APBB2: variants seen among roughly 807,000 people sequenced by gnomAD.
APBB2 encodes the protein Fe65-like 1.
A neutral mutation model predicts 82.5 loss-of-function variants in APBB2; 38 were observed. The ratio of observed to expected loss-of-function variants is 0.46; its 90% CI spans 0.36 to 0.60. The LOEUF (loss-of-function observed/expected upper bound fraction) is 0.60, where lower values mean the gene tolerates loss of function less well. Among genes scored for constraint, APBB2 ranks in the 20% least tolerant of loss-of-function variants. The pLI is 0.00. For synonymous variants in APBB2, 341 were observed against 368.2 expected (o/e 0.93, Z 0.85); for missense variants, 772 against 972.3 (o/e 0.79, Z 2.74).
chr4:41,015,613 G>T (rs996652828), intron 5 of APBB2, among the ~76,000 whole-genome samples: 3 of 152,266 alleles, frequency 2.0e-5, no homozygotes, highest in Middle Eastern at 3.4e-3. Flanking sequence ...TCATTCTAGA[G>T]TCCCTATGCT....
chr4:40,885,488 T>A (rs1317188125), intron 12 of APBB2, among the ~76,000 whole-genome samples: 1 of 152,154 alleles, frequency 6.6e-6, no homozygotes, highest in Admixed American at 6.5e-5. Context: ...GTCCCAGGTG[T>A]GCCTGCCCAC....
intron 1 of APBB2, among the ~76,000 whole-genome samples, chr4:41,180,463 AAAATT>A (rs1284404552): frequency 1.3e-5 from 2 of 152,132 alleles, no homozygotes; most frequent in African/African-American, 4.8e-5. Context: ...CAAACAAACA[AAAATT>A]AAATTAAATT....
chr4:40,862,632 G>A (rs1194376886), intron 12 of APBB2, among the ~76,000 whole-genome samples: 2 of 152,188 alleles, frequency 1.3e-5, no homozygotes, highest in Non-Finnish European at 2.9e-5. Flanking sequence ...AGGCCAAGCC[G>A]GGTGGATTAC....
rs368636661 is a variant in APBB2 at position 40,893,244 on chromosome 4, A to C, written c.1401+21T>G. ...GGAGAACGTAAACAGCCTGCCGTGC[A>C]TCATTCTACATGCCACTTACCTCTC... On this transcript the variant is annotated intron_variant, in intron 11 of 17. Coordinates refer to ENST00000508593, the MANE Select transcript of APBB2 (RefSeq NM_004307.2). 16 of 1,610,742 alleles carry C rather than the reference A, an allele frequency of 9.9e-6. No homozygotes were observed. The African/African-American group carries it at 2.1e-4, about 21-fold the overall frequency.
At chr4:40,974,457 C>G (rs181015561) in intron 6 of APBB2, among the ~76,000 whole-genome samples, 89 of 152,270 alleles carry the variant, frequency 5.8e-4, no homozygotes, top group African/African-American at 2.0e-3. Flanking sequence ...AACAGACCAA[C>G]AAATCAGTAA....
intron 3 of APBB2, among the ~76,000 whole-genome samples, chr4:41,077,228 C>A (rs1248593575): frequency 1.5e-5 from 2 of 136,144 alleles, no homozygotes; most frequent in African/African-American, 5.6e-5. Flanking sequence ...CCAGACTTGT[C>A]TGGAACTCCT....
chr4:40,901,816 C>T (rs1334514167), intron 10 of APBB2, among the ~76,000 whole-genome samples: 1 of 151,882 alleles, frequency 6.6e-6, no homozygotes, highest in Non-Finnish European at 1.5e-5. Flanking sequence ...CGCTCGGCCA[C>T]ACTTCAGGGA....
rs549628929 is a variant in APBB2, at chr4:41,121,535, G to A, written c.-260-20785C>T. 2.0e-5 allele frequency among the ~76,000 whole-genome samples: 3 copies of A among 152,302 alleles called. No homozygotes were observed. The South Asian group carries it at 6.2e-4, about 32-fold the overall frequency. ...GGAGTGAGGGAAAGCGACAGAGTTGGGATGCAGCTAAGACTCCTGAGGTGT... is the reference window on the plus strand; with the variant it reads ...GGAGTGAGGGAAAGCGACAGAGTTGAGATGCAGCTAAGACTCCTGAGGTGT... On this transcript the variant is annotated intron_variant, in intron 2 of 17. Coordinates refer to ENST00000508593, the MANE Select transcript of APBB2 (RefSeq NM_004307.2).
At chr4:40,947,499 T>TAC (rs1346026336) in intron 6 of APBB2, among the ~76,000 whole-genome samples, 1 of 152,220 alleles carries the variant, frequency 6.6e-6, no homozygotes, top group Non-Finnish European at 1.5e-5. Flanking sequence ...GATAAGGAGG[T>TAC]ACCTAGAGGT....
chr4:40,900,399 C>T (rs1277896215), intron 10 of APBB2, among the ~76,000 whole-genome samples: 1 of 150,904 alleles, frequency 6.6e-6, no homozygotes, highest in African/African-American at 2.4e-5. Flanking sequence ...TAGCACGGAC[C>T]ATGAATGAAG....
chr4:40,914,231 G>T (rs1779291769), intron 10 of APBB2, among the ~76,000 whole-genome samples: 1 of 152,128 alleles, frequency 6.6e-6, no homozygotes, highest in South Asian at 2.1e-4. Context: ...AAATTAGCCA[G>T]GCATGGTGGC....
At chr4:41,064,612 A>T (rs2153889196) in intron 4 of APBB2, among the ~76,000 whole-genome samples, 1 of 152,368 alleles carries the variant, frequency 6.6e-6, no homozygotes, top group Admixed American at 6.5e-5. Context: ...AACATAGATC[A>T]TTAAAGGGAA....
At chr4:41,169,818 G>A (rs1471485721) in intron 1 of APBB2, among the ~76,000 whole-genome samples, 4 of 150,158 alleles carry the variant, frequency 2.7e-5, no homozygotes, top group African/African-American at 7.4e-5. Flanking sequence ...ATCCAAAAAC[G>A]AATAGGGGGG....
At chr4:41,068,537 A>C (rs1267878488) in intron 3 of APBB2, among the ~76,000 whole-genome samples, 1 of 152,202 alleles carries the variant, frequency 6.6e-6, no homozygotes, top group Non-Finnish European at 1.5e-5. Flanking sequence ...GGTTTCTGGC[A>C]AGCAATCCCC....
intron 10 of APBB2, among the ~76,000 whole-genome samples, chr4:40,907,786 G>A (rs144078573): frequency 2.7e-4 from 40 of 150,056 alleles, no homozygotes; most frequent in African/African-American, 8.1e-4. Flanking sequence ...CCTCCCCTGA[G>A]TAGACGGGAC....
Position 41,169,859 on chromosome 4 carries a change from T to G in APBB2, c.-416-26717A>C, listed in dbSNP as rs945552849. 1.3e-4 allele frequency among the ~76,000 whole-genome samples: 7 copies of G among 53,976 alleles called. No individual in the cohort carries two copies. The African/African-American group carries it at 1.5e-3, about 11-fold the overall frequency. The allele number at this position is 53,976 out of a possible 152,430, so 35.4% of individuals were successfully genotyped here. On this transcript the variant is annotated intron_variant, in intron 1 of 17. Coordinates refer to ENST00000508593, the MANE Select transcript of APBB2 (RefSeq NM_004307.2). The stretch of plus-strand genomic sequence containing the variant: ...AAGGAAAGAAAATATTACTGTAGGT[T>G]TTTTTTTTTAAGAAGATAAGATCTA...
chr4:41,169,694 T>C (rs1373691773), intron 1 of APBB2, among the ~76,000 whole-genome samples: 1 of 152,244 alleles, frequency 6.6e-6, no homozygotes, highest in Non-Finnish European at 1.5e-5. Context: ...ATCGTTCTTC[T>C]AAAATGCCTC....
Position 41,013,908 on chromosome 4 carries a change from G to A in APBB2, c.510C>T (p.Thr170=), listed in dbSNP as rs1809127708. Reference sequence around the variant, plus strand: ...GGTTCTGCTCTAGTTCTCTGGCTGAGGTTTCCAGATCTGCATAGTAATTTA... The same window carrying A: ...GGTTCTGCTCTAGTTCTCTGGCTGAAGTTTCCAGATCTGCATAGTAATTTA... ...SFLNYYADLE[T]SARELEQNRG... is the part of the protein sequence containing the mutation. The change falls in exon 6 of 18, where the codon ACC becomes ACT. Residue 170 remains threonine, a synonymous_variant. Transcript: ENST00000508593. The A allele has an allele frequency of 6.2e-7, 1 of 1,614,026 alleles. No homozygotes were observed. The highest frequency in any genetic ancestry group is 1.3e-5 in the African/African-American group (1 of 74,930).
At chr4:41,059,287 C>G (rs1052325562) in intron 4 of APBB2, among the ~76,000 whole-genome samples, 65 of 152,204 alleles carry the variant, frequency 4.3e-4, no homozygotes, top group African/African-American at 1.6e-3. Flanking sequence ...ATGGTGAAAA[C>G]CCATCTCTAC....
Sources: gnomAD v4.1 joint callset for allele counts (sites outside exome capture counted in the v4.1 genomes callset) on GRCh38, gnomAD v4.1.1 for gene constraint, MANE v1.5 for transcripts, NCBI Gene and HGNC (gene_info 2026-07-23, HGNC 2026-07-21) for gene names.